The following ATP6V1C2 variants were observed in gnomAD, a reference collection of about 807,000 sequenced individuals.
The protein encoded by ATP6V1C2 is V-type proton ATPase subunit C 2.
Under a neutral mutation model 56.8 loss-of-function variants are expected in ATP6V1C2, and 45 were observed. The observed-to-expected ratio is 0.79, with a 90% CI of 0.62 to 1.02. ATP6V1C2 has a LOEUF of 1.02. Ranked by LOEUF, ATP6V1C2 falls within the 50% of genes least tolerant of loss-of-function variation. The pLI, the probability that ATP6V1C2 is intolerant of heterozygous loss-of-function variation, is 0.00. For synonymous variants in ATP6V1C2, 220 were observed against 201.3 expected, an observed-to-expected ratio of 1.09 and a Z score of -0.79; for missense variants, 463 against 519.7, an observed-to-expected ratio of 0.89 and a Z score of 1.06.
Position 10,764,368 on chromosome 2 carries a change from C to T in ATP6V1C2, c.321C>T (p.Asp107=), listed in dbSNP as rs1440992663. The T allele has an allele frequency of 1.2e-6, 2 of 1,614,120 alleles. No homozygotes were observed. Among genetic ancestry groups the T allele is most frequent in the Admixed American group, 3.3e-5 (2 of 60,030 alleles). ...CCTTTGTGACCCACTTTGAATGGGACATGGCCAAATATCCTGTCAAGCAGC... is the reference window on the plus strand; with the variant it reads ...CCTTTGTGACCCACTTTGAATGGGATATGGCCAAATATCCTGTCAAGCAGC... ...LTSFVTHFEW[D]MAKYPVKQPL... The change falls in exon 5 of 14, where the codon GAC becomes GAT. Residue 107 remains aspartate, a synonymous_variant. Coordinates refer to ENST00000272238, the MANE Select transcript of ATP6V1C2 (RefSeq NM_001039362.2).
chr2:10,757,434 A>G, intron 4 of ATP6V1C2: 1 of 398,642 alleles, frequency 2.5e-6, no homozygotes, highest in South Asian at 1.3e-4. Context: ...CAGGCTTGAA[A>G]GGAAAAATGA....
intron 10 of ATP6V1C2, among the ~76,000 whole-genome samples, chr2:10,775,626 A>G (rs6752558): frequency 0.33 from 50,481 of 151,978 alleles, 9,017 homozygotes; most frequent in African/African-American, 0.44. Context: ...GAAACCCTTC[A>G]CGGAGGAGGA....
At chr2:10,770,234 A>G (rs1356625538) in intron 6 of ATP6V1C2, among the ~76,000 whole-genome samples, 2 of 152,150 alleles carry the variant, frequency 1.3e-5, no homozygotes, top group African/African-American at 2.4e-5. Context: ...CCTTGTCTCT[A>G]CTAAAAATAC....
intron 4 of ATP6V1C2, among the ~76,000 whole-genome samples, chr2:10,760,144 G>A (rs867200934): frequency 3.3e-5 from 5 of 151,768 alleles, no homozygotes; most frequent in African/African-American, 7.2e-5. Flanking sequence ...AGGCCGAGGC[G>A]GGCGGATCAC....
chr2:10,771,765 T>C (rs1198850), intron 6 of ATP6V1C2, 74 bp from the exon 7 acceptor site: 966,851 of 1,149,416 alleles, frequency 0.84, 407,981 homozygotes, highest in East Asian at 1. Context: ...AGTGCCCGGG[T>C]GTGGGTGTGT....
At chr2:10,729,172 C>CT (rs372762251) in intron 3 of ATP6V1C2, among the ~76,000 whole-genome samples, 116 of 144,890 alleles carry the variant, frequency 8.0e-4, no homozygotes, top group Non-Finnish European at 1.3e-3. Context: ...CATTGGAAAA[C>CT]TTTTTTTTTT....
At chr2:10,777,805 G>C in intron 11 of ATP6V1C2, 83 bp downstream of exon 11, 1 of 1,490,632 alleles carries the variant, frequency 6.7e-7, no homozygotes, top group Non-Finnish European at 9.0e-7. Context: ...ATGAATCCTT[G>C]CATTTTTCTG....
At chr2:10,771,374 C>T (rs1664586742) in intron 6 of ATP6V1C2, among the ~76,000 whole-genome samples, 1 of 152,326 alleles carries the variant, frequency 6.6e-6, no homozygotes, top group African/African-American at 2.4e-5. Flanking sequence ...TGAGTGTCCC[C>T]TGGGTGCTGG....
At chr2:10,727,043 TCCTTCCTTCCTC>T (rs1198372084) in intron 3 of ATP6V1C2, among the ~76,000 whole-genome samples, 38 of 144,050 alleles carry the variant, frequency 2.6e-4, no homozygotes, top group African/African-American at 1.0e-3. Context: ...GAGCCTTCCT[TCCTTCCTTCCTC>T]CCTCCCTCCC....
intron 5 of ATP6V1C2, 48 bp downstream of exon 5, chr2:10,764,473 G>A (rs777542804): frequency 1.3e-5 from 20 of 1,539,046 alleles, no homozygotes; most frequent in Middle Eastern, 1.8e-4. Context: ...TGGGTCAGGC[G>A]GGCAAGAGCC....
intron 3 of ATP6V1C2, among the ~76,000 whole-genome samples, chr2:10,746,336 A>G (rs1002365647): frequency 1.3e-5 from 2 of 151,252 alleles, no homozygotes; most frequent in African/African-American, 2.4e-5. Flanking sequence ...GTTTATTTTT[A>G]TTAGTTATTT....
chr2:10,752,260 C>G (rs1439767019), intron 3 of ATP6V1C2, among the ~76,000 whole-genome samples: 4 of 152,164 alleles, frequency 2.6e-5, no homozygotes, highest in Non-Finnish European at 4.4e-5. Flanking sequence ...GTCAGGAAAG[C>G]AAGTTGCTAC....
At position 10,778,677 on chromosome 2, in the gene ATP6V1C2, G is replaced by T. The variant is rs1262357967; in HGVS notation, c.1061+8G>T. 6.2e-7 allele frequency: 1 copy of T among 1,613,904 alleles called. No individual in the cohort carries two copies. Among genetic ancestry groups the T allele is most frequent in the Non-Finnish European group, 8.5e-7 (1 of 1,179,784 alleles). On this transcript the variant is annotated splice_region_variant and intron_variant, in intron 12 of 13. Transcript: ENST00000272238. ...TGTGGAGTCCGTGCTCAGGTGCGTG[G>T]CAGTGATGCCCCGGCTGGGACTGTC...
chr2:10,749,004 C>G (rs1276550801), intron 3 of ATP6V1C2, among the ~76,000 whole-genome samples: 2 of 151,742 alleles, frequency 1.3e-5, no homozygotes, highest in South Asian at 4.2e-4. Context: ...GTGGCAGACA[C>G]CTGTAATCCC....
chr2:10,744,724 A>G (rs1187741975), intron 3 of ATP6V1C2, among the ~76,000 whole-genome samples: 1 of 137,016 alleles, frequency 7.3e-6, no homozygotes, highest in East Asian at 2.1e-4. Context: ...GCTGGAGTGC[A>G]GTGGCGTGAT....
chr2:10,732,531 G>A lies in ATP6V1C2; in HGVS notation c.197+5962G>A, dbSNP rs189140156. ...AGCCTTGGCCTCCCAAAGTGTTGGG[G>A]TTACGGGCGTGAGCCACCATGCCCA... is the stretch of plus-strand genomic sequence containing the variant. On this transcript the variant is annotated intron_variant, in intron 3 of 13. Coordinates refer to ENST00000272238, the MANE Select transcript of ATP6V1C2 (RefSeq NM_001039362.2). 4.3e-3 allele frequency among the ~76,000 whole-genome samples: 659 copies of A among 152,110 alleles called. 1 individual carries two copies. The highest frequency in any genetic ancestry group is 0.021 in the South Asian group (101 of 4,802).
At chr2:10,777,509 T>C in intron 10 of ATP6V1C2, 76 bp from the exon 11 acceptor site, 1 of 1,560,702 alleles carries the variant, frequency 6.4e-7, no homozygotes, top group Non-Finnish European at 8.7e-7. Flanking sequence ...CGCGTGCCTT[T>C]CAGGCGATGA....
At chr2:10,728,320 G>A (rs1449373299) in intron 3 of ATP6V1C2, among the ~76,000 whole-genome samples, 1 of 152,208 alleles carries the variant, frequency 6.6e-6, no homozygotes, top group Non-Finnish European at 1.5e-5. Flanking sequence ...CTGGCCTCAA[G>A]TGATCCTCTT....
At chr2:10,739,102 A>G (rs1412177147) in intron 3 of ATP6V1C2, among the ~76,000 whole-genome samples, 1 of 152,062 alleles carries the variant, frequency 6.6e-6, no homozygotes, top group Non-Finnish European at 1.5e-5. Flanking sequence ...ACCAACATGG[A>G]GAAACCCCAT....
Sources: allele counts gnomAD v4.1 joint callset (sites outside exome capture counted in the v4.1 genomes callset), GRCh38; gene constraint gnomAD v4.1.1; transcripts MANE v1.5; gene names NCBI Gene and HGNC (gene_info 2026-07-23, HGNC 2026-07-21).